SLITRK6: variants seen among roughly 807,000 people sequenced by gnomAD.
The protein encoded by SLITRK6 is SLIT and NTRK like family member 6.
In SLITRK6, 35 loss-of-function variants were observed where a neutral mutation model predicts 55.6. The ratio of observed to expected loss-of-function variants is 0.63; its 90% CI spans 0.48 to 0.83. The LOEUF is 0.83. Among genes scored for constraint, SLITRK6 ranks in the 40% least tolerant of loss-of-function variants. The pLI is 0.00. For missense variants in SLITRK6, 977 were observed against 986.4 expected (o/e 0.99, Z 0.13); for synonymous variants, 392 against 359.6 (o/e 1.09, Z -1.02).
In SLITRK6 at chr13:85,794,235, G is replaced by A. The variant is rs754074532; in HGVS notation, c.2274C>T (p.Asn758=). 2.5e-6 allele frequency: 4 copies of A among 1,612,908 alleles called. No individual in the cohort carries two copies. Among genetic ancestry groups the A allele is most frequent in the South Asian group, 1.1e-5 (1 of 91,032 alleles). The change falls in exon 2 of 2, where the codon AAC becomes AAT. Residue 758 remains asparagine (N), a synonymous_variant. Transcript: ENST00000647374. The part of the protein sequence containing the change: ...SFQDASSLYR[N]ILEKERELQQ... The stretch of plus-strand genomic sequence containing the variant: ...GAAGTTCCCTTTCTTTTTCTAAAAT[G>A]TTTCTGTACAATGAGCTGGCATCTT...
Position 85,794,270 on chromosome 13 carries a change from A to T in SLITRK6, c.2239T>A (p.Leu747Ile). 6.2e-7 allele frequency: 1 copy of T among 1,613,376 alleles called. No homozygotes were observed. The highest frequency in any genetic ancestry group is 1.1e-5 in the South Asian group (1 of 91,070). Residue 747 changes from leucine (L) to isoleucine (I), a missense_variant, in exon 2 of 2, where the codon TTA becomes ATA. Leu to Ile is a conservative substitution (Grantham distance 5). Transcript: ENST00000647374. The part of the protein sequence containing the change: ...YKTTNQSTEF[L>I]SFQDASSLYR... ...AATGAGCTGGCATCTTGGAAGGATA[A>T]AAATTCTGTTGATTGGTTCGTGGTT...
Position 85,795,366 on chromosome 13 carries a change from A to G in SLITRK6, c.1143T>C (p.Ser381=). The G allele has an allele frequency of 5.0e-6, 8 of 1,612,836 alleles. No homozygotes were observed. Among genetic ancestry groups the G allele is most frequent in the Non-Finnish European group, 6.8e-6 (8 of 1,179,384 alleles). ...CCAAAGTGAAATATTCCACTAGATC[A>G]GACTTCATTAAACTGTGAATAATAT... ...AGNIIHSLMK[S]DLVEYFTLEM... The change falls in exon 2 of 2, where the codon TCT becomes TCC. Residue 381 remains serine, a synonymous_variant. Transcript: ENST00000647374.
In SLITRK6 at chr13:85,795,624, G is replaced by T; in HGVS notation, c.885C>A (p.Arg295=). Reference sequence around the variant, plus strand: ...GAATGGACGTGGTCTTAGTTGACATGCGACTATCATTTATTGAAGATGTTG... The same window carrying T: ...GAATGGACGTGGTCTTAGTTGACATTCGACTATCATTTATTGAAGATGTTG... The part of the protein sequence containing the change: ...LAATSSINDS[R]MSTKTTSILK... The change falls in exon 2 of 2, where the codon CGC becomes CGA. Residue 295 remains arginine (R), a synonymous_variant. Transcript: ENST00000647374. The T allele has an allele frequency of 3.1e-6, 5 of 1,613,056 alleles. No homozygotes were observed. Among genetic ancestry groups the T allele is most frequent in the Non-Finnish European group, 4.2e-6 (5 of 1,179,422 alleles).
chr13:85,795,317 G>A lies in SLITRK6; in HGVS notation c.1192C>T (p.Arg398Cys), dbSNP rs1256084864. ...TLEMLHLGNN[R>C]IEVLEEGSFM... ...GATCCTTCTTCAAGAACTTCAATAC[G>A]ATTGTTTCCCAAGTGAAGCATTTCC... The change falls in exon 2 of 2, where the codon CGT becomes TGT. Residue 398 changes from arginine to cysteine, a missense_variant. By Grantham distance (180) the Arg-to-Cys change is radical (BLOSUM62 -3). Coordinates refer to ENST00000647374, the MANE Select transcript of SLITRK6 (RefSeq NM_032229.3). 8.7e-6 allele frequency: 14 copies of A among 1,612,580 alleles called. No individual in the cohort carries two copies. Among genetic ancestry groups the A allele is most frequent in the Non-Finnish European group, 1.1e-5 (13 of 1,179,306 alleles).
At chr13:85,797,057 G>A (rs144003735) in intron 1 of SLITRK6, among the ~76,000 whole-genome samples, 5 of 151,560 alleles carry the variant, frequency 3.3e-5, no homozygotes, top group South Asian at 2.1e-4. Flanking sequence ...ATGCATGTAC[G>A]CATGTAGCAT....
At position 85,794,749 on chromosome 13, in the gene SLITRK6, G is replaced by A; in HGVS notation, c.1760C>T (p.Pro587Leu). Residue 587 changes from proline (P) to leucine (L), a missense_variant, in exon 2 of 2, where the codon CCT (proline) becomes CTT (leucine). Pro to Leu is a moderately conservative substitution (Grantham distance 98, BLOSUM62 -3). Coordinates refer to ENST00000647374, the MANE Select transcript of SLITRK6 (RefSeq NM_032229.3). ...ATCAGCCGTATTTGTTGTTGTTGCA[G>A]GAGTGGTGACCATAAGGTAACTAGT... ...TQTSYLMVTTPATTTNTADTI... is the reference protein window; with the variant it reads ...TQTSYLMVTTLATTTNTADTI... 6.2e-7 allele frequency: 1 copy of A among 1,613,132 alleles called. No homozygotes were observed. The highest frequency in any genetic ancestry group is 1.7e-5 in the Admixed American group (1 of 59,818).
chr13:85,798,778 G>A (rs1874794599), intron 1 of SLITRK6, 136 bp downstream of exon 1: 2 of 152,114 alleles, frequency 1.3e-5, no homozygotes, highest in South Asian at 4.1e-4. Context: ...AGTGTTAGTT[G>A]TGCCAGTAAG....
In SLITRK6 at chr13:85,795,586, G is replaced by T. The variant is rs1279404230; in HGVS notation, c.923C>A (p.Thr308Asn). The T allele has an allele frequency of 1.9e-6, 3 of 1,612,974 alleles. No homozygotes were observed. Among genetic ancestry groups the T allele is most frequent in the Admixed American group, 1.7e-5 (1 of 59,852 alleles). Residue 308 changes from threonine (T) to asparagine (N), a missense_variant, in exon 2 of 2, where the codon ACC becomes AAC. Coordinates refer to ENST00000647374, the MANE Select transcript of SLITRK6 (RefSeq NM_032229.3). ...ATAAGGTATCAAACCTGGTGCTTTG[G>T]TGGGTAGTTTTAGAATGGACGTGGT... is the stretch of plus-strand genomic sequence containing the variant. ...TKTTSILKLP[T>N]KAPGLIPYIT...
chr13:85,796,354 C>T lies in SLITRK6; in HGVS notation c.155G>A (p.Gly52Asp). Residue 52 changes from glycine (G) to aspartate (D), a missense_variant, in exon 2 of 2, where the codon GGT becomes GAT. Physicochemically the swap from Gly to Asp is moderately conservative, Grantham distance 94 (BLOSUM62 -1). Transcript: ENST00000647374. ...ACTTATTTCAGATACCATCTTGATA[C>T]CTTTTGCTTCACAATTTATTAGCAT... ...GTMLINCEAK[G>D]IKMVSEISVP... is the part of the protein sequence containing the mutation. 6.2e-7 allele frequency: 1 copy of T among 1,612,510 alleles called. No homozygotes were observed. The highest frequency in any genetic ancestry group is 8.5e-7 in the Non-Finnish European group (1 of 1,179,198).
chr13:85,794,821 T>G lies in SLITRK6; in HGVS notation c.1688A>C (p.Glu563Ala), dbSNP rs1401548545. ...DKKELKALNS[E>A]ILCPGLVNNP... is the part of the protein sequence containing the mutation. ...ATTTACTAAACCTGGACAGAGAATT[T>G]CACTATTTAGGGCTTTCAATTCCTT... The change falls in exon 2 of 2, where the codon GAA becomes GCA. Residue 563 changes from glutamate to alanine, a missense_variant. By Grantham distance (107) the Glu-to-Ala change is moderately radical (BLOSUM62 -1). Coordinates refer to ENST00000647374, the MANE Select transcript of SLITRK6 (RefSeq NM_032229.3). 6.2e-7 allele frequency: 1 copy of G among 1,613,224 alleles called. No homozygotes were observed. The highest frequency in any genetic ancestry group is 1.3e-5 in the African/African-American group (1 of 74,952).
At chr13:85,798,623 T>G (rs999125085) in intron 1 of SLITRK6, among the ~76,000 whole-genome samples, 5 of 152,042 alleles carry the variant, frequency 3.3e-5, no homozygotes, top group African/African-American at 4.8e-5. Flanking sequence ...TTGGAAGTGA[T>G]CCTTCCTTCA....
At chr13:85,796,924 T>A (rs1874744161) in intron 1 of SLITRK6, among the ~76,000 whole-genome samples, 1 of 151,790 alleles carries the variant, frequency 6.6e-6, no homozygotes, top group African/African-American at 2.4e-5. Context: ...CTTATGGTCA[T>A]ACATTTAAGG....
At position 85,797,604 on chromosome 13, in the gene SLITRK6, A is replaced by G. The variant is rs151146420; in HGVS notation, c.-24-1072T>C. Among the ~76,000 whole-genome samples, 414 of 151,930 alleles carry G rather than the reference A, an allele frequency of 2.7e-3. 1 individual carries two copies. Among genetic ancestry groups the G allele is most frequent in the African/African-American group, 9.4e-3 (392 of 41,544 alleles). ...CCTTTATTAAAAGGCTTAAAGTCGCAAACAATGAAATCTGAAACAAACTGT... is the reference window on the plus strand; with the variant it reads ...CCTTTATTAAAAGGCTTAAAGTCGCGAACAATGAAATCTGAAACAAACTGT... On this transcript the variant is annotated intron_variant, in intron 1 of 1. Coordinates refer to ENST00000647374, the MANE Select transcript of SLITRK6 (RefSeq NM_032229.3).
rs1337266 is a variant in SLITRK6 at position 85,793,742 on chromosome 13, T to A, written c.*241A>T. 4 of 399,884 alleles carry A rather than the reference T, an allele frequency of 1.0e-5. No individual in the cohort carries two copies. The highest frequency in any genetic ancestry group is 1.8e-5 in the Non-Finnish European group (4 of 226,946). 24.8% of individuals were successfully genotyped at this position (399,884 alleles called of 1,614,324 possible). ...TTCAGTATATGAAATATTACTATAA[T>A]CCTTGAATGATTTACATGCAAGGAT... On this transcript the variant is annotated 3_prime_UTR_variant, in exon 2 of 2. Coordinates refer to ENST00000647374, the MANE Select transcript of SLITRK6 (RefSeq NM_032229.3).
At chr13:85,796,662 C>T (rs9594055) in intron 1 of SLITRK6, 130 bp from the exon 2 acceptor site, 8 of 645,356 alleles carry the variant, frequency 1.2e-5, no homozygotes, top group Non-Finnish European at 1.8e-5. Context: ...ATATGGGTAC[C>T]TTGCTGCATT....
At chr13:85,796,619 T>C (rs1874734448) in intron 1 of SLITRK6, 87 bp from the exon 2 acceptor site, 2 of 1,127,266 alleles carry the variant, frequency 1.8e-6, no homozygotes, top group Admixed American at 3.0e-5. Flanking sequence ...AATAGGTTTT[T>C]CTCCAAAAAG....
rs748207795 is a variant in SLITRK6, at chr13:85,794,806, C to T, written c.1703G>A (p.Gly568Asp). Residue 568 changes from glycine to aspartate, a missense_variant, in exon 2 of 2, where the codon GGT becomes GAT. By Grantham distance (94) the Gly-to-Asp change is moderately conservative (BLOSUM62 -1). Coordinates refer to ENST00000647374, the MANE Select transcript of SLITRK6 (RefSeq NM_032229.3). The part of the protein sequence containing the change: ...KALNSEILCP[G>D]LVNNPSMPTQ... ...TGGCATGGATGGGTTATTTACTAAA[C>T]CTGGACAGAGAATTTCACTATTTAG... 3.1e-6 allele frequency: 5 copies of T among 1,613,134 alleles called. No homozygotes were observed. In the East Asian group the frequency reaches 6.7e-5, roughly 22 times the overall value.
rs772629885 is a variant in SLITRK6, at chr13:85,796,172, G to C, written c.337C>G (p.Leu113Val). The part of the protein sequence containing the change: ...IEIGAFNGLG[L>V]LKQLHINHNS... ...TGATTGATATGAAGTTGTTTCAGGA[G>C]GCCAAGGCCATTAAATGCACCTATC... Residue 113 changes from leucine (L) to valine (V), a missense_variant, in exon 2 of 2, where the codon CTC (leucine) becomes GTC (valine). Transcript: ENST00000647374. 3.1e-6 allele frequency: 5 copies of C among 1,612,980 alleles called. No homozygotes were observed.
In SLITRK6 at chr13:85,795,617, T is replaced by C. The variant is rs201504386; in HGVS notation, c.892A>G (p.Thr298Ala). The change falls in exon 2 of 2, where the codon ACT becomes GCT. Residue 298 changes from threonine (T) to alanine (A), a missense_variant. By Grantham distance (58) the Thr-to-Ala change is moderately conservative. Coordinates refer to ENST00000647374, the MANE Select transcript of SLITRK6 (RefSeq NM_032229.3). ...AGTTTTAGAATGGACGTGGTCTTAG[T>C]TGACATGCGACTATCATTTATTGAA... ...TSSINDSRMS[T>A]KTTSILKLPT... 7.7e-5 allele frequency: 124 copies of C among 1,613,078 alleles called. 2 individuals carry two copies. In the South Asian group the frequency reaches 9.2e-4, roughly 12 times the overall value.
Sources: gnomAD v4.1 joint callset for allele counts (sites outside exome capture counted in the v4.1 genomes callset) on GRCh38, gnomAD v4.1.1 for gene constraint, MANE v1.5 for transcripts, NCBI Gene and HGNC (gene_info 2026-07-23, HGNC 2026-07-21) for gene names.